Variants in AGAP1 observed in about 807,000 individuals in gnomAD.
AGAP1 encodes ArfGAP with GTPase domain, ankyrin repeat and PH domain 1.
In AGAP1, 29 loss-of-function variants were observed where a neutral mutation model predicts 105.3. The observed-to-expected ratio is 0.28, with a 90% CI of 0.21 to 0.38. The LOEUF (loss-of-function observed/expected upper bound fraction) is 0.38, where lower values mean the gene tolerates loss of function less well. AGAP1 is among the 10% of genes least tolerant of loss of function. The pLI is 1.00. For synonymous variants in AGAP1, 509 were observed against 485.9 expected (o/e 1.05, Z -0.63); for missense variants, 998 against 1,165.1 (o/e 0.86, Z 2.09).
In AGAP1 at chr2:236,071,385, G is replaced by C. The variant is rs143058196; in HGVS notation, c.2114+22104G>C. ...GTCCCAGCCACTCCTGGAAGGATTGGTTCTAGCACAGAGAACAGAGCCCAC... is the reference window on the plus strand; with the variant it reads ...GTCCCAGCCACTCCTGGAAGGATTGCTTCTAGCACAGAGAACAGAGCCCAC... On this transcript the variant is annotated intron_variant, in intron 16 of 17. Transcript: ENST00000304032. Among the ~76,000 whole-genome samples the C allele has an allele frequency of 5.8e-4, 88 of 152,292 alleles. 1 individual carries two copies. The highest frequency in any genetic ancestry group is 2.0e-3 in the African/African-American group (84 of 41,564).
chr2:235,746,290 G>GA (rs540335205), intron 5 of AGAP1, among the ~76,000 whole-genome samples: 2,393 of 125,114 alleles, frequency 0.019, 65 homozygotes, highest in African/African-American at 0.056. Flanking sequence ...CATCTCAAGG[G>GA]AAAAAAAAAA....
intron 13 of AGAP1, among the ~76,000 whole-genome samples, chr2:236,034,073 C>T (rs2057306297): frequency 6.6e-6 from 1 of 152,128 alleles, no homozygotes; most frequent in Admixed American, 6.5e-5. Flanking sequence ...TTTTTTCATA[C>T]CTTACCTATC....
In AGAP1 at chr2:236,109,523, G is replaced by A. The variant is rs1160404054; in HGVS notation, c.2115-10669G>A. Among the ~76,000 whole-genome samples the A allele has an allele frequency of 6.6e-6, 1 of 152,244 alleles. No individual in the cohort carries two copies. Among genetic ancestry groups the A allele is most frequent in the Non-Finnish European group, 1.5e-5 (1 of 68,046 alleles). On this transcript the variant is annotated intron_variant, in intron 16 of 17. Transcript: ENST00000304032. This position sits in a 1 kb window ranked among gnomAD's most constrained non-coding sequence, Gnocchi z 5.4. ...CCGTGCATCCTCTGTAATGGCAGAAGTGTTCTCGATCAGCAGCCTTGGAAA... is the reference window on the plus strand; with the variant it reads ...CCGTGCATCCTCTGTAATGGCAGAAATGTTCTCGATCAGCAGCCTTGGAAA...
rs1944660694 is a variant in AGAP1, at chr2:235,574,159, G to T, written c.163+79310G>T. On this transcript the variant is annotated intron_variant, in intron 1 of 17. Transcript: ENST00000304032. This position sits in a 1 kb window ranked among gnomAD's most constrained non-coding sequence, Gnocchi z 5.0. ...CATTAGCAGCACTCAGGCCCAGCTG[G>T]GCATTCAGCTGTGACTGCATTCTGG... Among the ~76,000 whole-genome samples the T allele has an allele frequency of 6.6e-6, 1 of 152,206 alleles. No homozygotes were observed. The highest frequency in any genetic ancestry group is 2.4e-5 in the African/African-American group (1 of 41,448).
At position 235,610,674 on chromosome 2, in the gene AGAP1, G is replaced by A. The variant is rs1442725689; in HGVS notation, c.164-98505G>A. ...AGCTCAATACAGCCCATAGCACAGC[G>A]CTTCCGCACACATCCACATTGCAGA... On this transcript the variant is annotated intron_variant, in intron 1 of 17. Coordinates refer to ENST00000304032, the MANE Select transcript of AGAP1 (RefSeq NM_001037131.3). This position sits in a 1 kb window ranked among gnomAD's most constrained non-coding sequence, Gnocchi z 4.9. 2.6e-5 allele frequency among the ~76,000 whole-genome samples: 4 copies of A among 152,214 alleles called. No homozygotes were observed. The highest frequency in any genetic ancestry group is 1.3e-4 in the Admixed American group (2 of 15,274).
chr2:235,794,460 C>G (rs1305341605), intron 6 of AGAP1, among the ~76,000 whole-genome samples: 1 of 151,982 alleles, frequency 6.6e-6, no homozygotes, highest in Non-Finnish European at 1.5e-5. Flanking sequence ...ACAAAGCTTC[C>G]AGATTTTTTT....
intron 1 of AGAP1, among the ~76,000 whole-genome samples, chr2:235,503,201 T>G (rs1352810734): frequency 1.3e-5 from 2 of 152,148 alleles, no homozygotes; most frequent in African/African-American, 4.8e-5. Context: ...AGAAATTGAT[T>G]TGGAAAGAGC....
rs1457004998 is a variant in AGAP1 at position 236,036,729 on chromosome 2, C to T, written c.1800+14C>T. 1 of 1,613,948 alleles carries T rather than the reference C, an allele frequency of 6.2e-7. No homozygotes were observed. Among genetic ancestry groups the T allele is most frequent in the Admixed American group, 1.7e-5 (1 of 60,010 alleles). Reference sequence around the variant, plus strand: ...AGCAAGAACAAGGTGAGGCCCCTGGCTGCCCAAAACCAAGGCTGGGGCTGC... The same window carrying T: ...AGCAAGAACAAGGTGAGGCCCCTGGTTGCCCAAAACCAAGGCTGGGGCTGC... On this transcript the variant is annotated intron_variant, in intron 14 of 17. Coordinates refer to ENST00000304032, the MANE Select transcript of AGAP1 (RefSeq NM_001037131.3). The surrounding 1 kb of genome is among the most constrained non-coding windows in gnomAD (Gnocchi z 5.7).
chr2:235,871,824 G>A (rs2049458879), intron 9 of AGAP1, among the ~76,000 whole-genome samples: 1 of 152,210 alleles, frequency 6.6e-6, no homozygotes, highest in African/African-American at 2.4e-5. Context: ...TGGAGATAGT[G>A]TTATTCCCAC....
intron 6 of AGAP1, among the ~76,000 whole-genome samples, chr2:235,780,555 A>AG (rs1413593742): frequency 1.3e-5 from 2 of 152,186 alleles, no homozygotes; most frequent in Admixed American, 6.5e-5. Flanking sequence ...TGCTCGGCCA[A>AG]GTAATTTACA....
intron 1 of AGAP1, among the ~76,000 whole-genome samples, chr2:235,641,838 A>G (rs1180778528): frequency 1.3e-5 from 2 of 152,152 alleles, no homozygotes; most frequent in Non-Finnish European, 2.9e-5. Flanking sequence ...TTCTCTGTGC[A>G]CAGGTATGAC....
intron 6 of AGAP1, among the ~76,000 whole-genome samples, chr2:235,791,307 A>G (rs1348234358): frequency 1.3e-5 from 2 of 152,136 alleles, no homozygotes; most frequent in African/African-American, 4.8e-5. Flanking sequence ...ACGTTAGGGG[A>G]TCTTTTATTT....
At position 235,663,176 on chromosome 2, in the gene AGAP1, G is replaced by A. The variant is rs1948018018; in HGVS notation, c.164-46003G>A. Among the ~76,000 whole-genome samples the A allele has an allele frequency of 6.6e-6, 1 of 152,192 alleles. No homozygotes were observed. Among genetic ancestry groups the A allele is most frequent in the African/African-American group, 2.4e-5 (1 of 41,450 alleles). ...AAATAAAAATTAGCTGGGCATGGTG[G>A]TGGGCGCCTGTGATCCCATCTACTT... On this transcript the variant is annotated intron_variant, in intron 1 of 17. Transcript: ENST00000304032. This position sits in a 1 kb window ranked among gnomAD's most constrained non-coding sequence, Gnocchi z 5.4.
At chr2:235,507,141 G>A (rs1218467073) in intron 1 of AGAP1, 1 of 152,604 alleles carries the variant, frequency 6.6e-6, no homozygotes, top group East Asian at 1.9e-4. Flanking sequence ...GCCCTGAATG[G>A]AGCAGCTGCC....
At chr2:236,111,612 G>A (rs1390846900) in intron 16 of AGAP1, among the ~76,000 whole-genome samples, 1 of 151,630 alleles carries the variant, frequency 6.6e-6, no homozygotes, top group Non-Finnish European at 1.5e-5. Flanking sequence ...GCAACATGGT[G>A]CAACCCCGTC....
intron 9 of AGAP1, among the ~76,000 whole-genome samples, chr2:235,858,113 C>T (rs2048763780): frequency 6.6e-6 from 1 of 152,098 alleles, no homozygotes; most frequent in Non-Finnish European, 1.5e-5. Flanking sequence ...GAACATAATC[C>T]AGACTATATA....
chr2:235,730,359 C>A lies in AGAP1; in HGVS notation c.311-10604C>A, dbSNP rs141822279. Reference sequence around the variant, plus strand: ...CCTCTCTGGATTCTAACACTTGTGCCATTGTGCATCCGTCTCAGGTCATGG... The same window carrying A: ...CCTCTCTGGATTCTAACACTTGTGCAATTGTGCATCCGTCTCAGGTCATGG... On this transcript the variant is annotated intron_variant, in intron 3 of 17. Transcript: ENST00000304032. Among the ~76,000 whole-genome samples the A allele has an allele frequency of 3.7e-3, 559 of 151,748 alleles. 6 individuals carry two copies. Among genetic ancestry groups the A allele is most frequent in the African/African-American group, 0.013 (537 of 41,284 alleles).
chr2:235,991,409 A>G (rs1366608992), intron 13 of AGAP1, among the ~76,000 whole-genome samples: 1 of 152,178 alleles, frequency 6.6e-6, no homozygotes, highest in Non-Finnish European at 1.5e-5. Context: ...GAACCAGCAA[A>G]TATGAAGGCA....
At chr2:236,072,531 TGGGCTCAA>T (rs965833044) in intron 16 of AGAP1, 1 of 152,194 alleles carries the variant, frequency 6.6e-6, no homozygotes, top group Non-Finnish European at 1.5e-5. Context: ...CTTAAACTCC[TGGGCTCAA>T]GGGCTCCTCC....
Sources: allele counts gnomAD v4.1 joint callset (sites outside exome capture counted in the v4.1 genomes callset), GRCh38; gene constraint gnomAD v4.1.1; non-coding constraint Gnocchi (gnomAD v3.1); transcripts MANE v1.5; gene names NCBI Gene and HGNC (gene_info 2026-07-23, HGNC 2026-07-21).